Variants in CALCOCO2 observed in about 807,000 individuals in gnomAD.
CALCOCO2 encodes the protein calcium-binding and coiled-coil domain-containing protein 2.
A neutral mutation model predicts 62.5 loss-of-function variants in CALCOCO2; 42 were observed. That is an observed-to-expected ratio of 0.67 (90% CI 0.53 to 0.87). CALCOCO2 has a LOEUF of 0.87. Among genes scored for constraint, CALCOCO2 ranks in the 40% least tolerant of loss-of-function variants. The pLI, the probability that CALCOCO2 is intolerant of heterozygous loss-of-function variation, is 0.00. For missense variants in CALCOCO2, 456 were observed against 515.0 expected, an observed-to-expected ratio of 0.89 and a Z score of 1.11; for synonymous variants, 167 against 173.0, an observed-to-expected ratio of 0.97 and a Z score of 0.27.
At chr17:48,839,945 G>C (rs2039954266) in intron 1 of CALCOCO2, among the ~76,000 whole-genome samples, 2 of 152,058 alleles carry the variant, frequency 1.3e-5, no homozygotes, top group African/African-American at 2.4e-5. Context: ...AAAGTGCTGG[G>C]ATTACAGGTG....
Position 48,864,140 on chromosome 17 carries a change from T to G in CALCOCO2, c.*1135T>G, listed in dbSNP as rs2040363934. 1 of 145,624 alleles carries G rather than the reference T, an allele frequency of 6.9e-6. No individual in the cohort carries two copies. The highest frequency in any genetic ancestry group is 2.5e-5 in the African/African-American group (1 of 39,844). The allele number at this position is 145,624 out of a possible 1,614,324, so 9.0% of individuals were successfully genotyped here. On this transcript the variant is annotated 3_prime_UTR_variant, in exon 13 of 13. Coordinates refer to ENST00000258947, the MANE Select transcript of CALCOCO2 (RefSeq NM_005831.5). ...GCGTGCAATGGCGCAGTTGACTCAC[T>G]ACAGCCTCTGCCTCCCAGGTTCAAG...
At chr17:48,845,908 G>A (rs1288264665) in intron 2 of CALCOCO2, 5 of 435,512 alleles carry the variant, frequency 1.1e-5, no homozygotes, top group Non-Finnish European at 2.0e-5. Flanking sequence ...CCAAACCTCT[G>A]GTTTTTCCTC....
chr17:48,839,832 C>T (rs7221442), intron 1 of CALCOCO2, among the ~76,000 whole-genome samples: 16,318 of 151,582 alleles, frequency 0.11, 1,530 homozygotes, highest in African/African-American at 0.26. Flanking sequence ...TGTGCCACCA[C>T]GCCCAGCTAA....
Position 48,865,155 on chromosome 17 carries a change from A to C in CALCOCO2, c.*2150A>C, listed in dbSNP as rs904995553. 6.6e-6 allele frequency: 1 copy of C among 152,236 alleles called. No homozygotes were observed. Among genetic ancestry groups the C allele is most frequent in the African/African-American group, 2.4e-5 (1 of 41,464 alleles). The allele number at this position is 152,236 out of a possible 1,614,324, so 9.4% of individuals were successfully genotyped here. ...CTTTTTGCTGGGTGTAAAACAAAGC[A>C]TCTTTAACCACTGTTCATTATCCCC... On this transcript the variant is annotated 3_prime_UTR_variant, in exon 13 of 13. Coordinates refer to ENST00000258947, the MANE Select transcript of CALCOCO2 (RefSeq NM_005831.5).
rs367595425 is a variant in CALCOCO2, at chr17:48,861,659, G to GTATATATATATATATATATATATA, written c.1145-616_1145-615insATATATATATATATATATATATAT. Among the ~76,000 whole-genome samples, 271 of 135,102 alleles carry GTATATATATATATATATATATATA rather than the reference G, an allele frequency of 2.0e-3. 9 individuals are homozygous for GTATATATATATATATATATATATA. Among genetic ancestry groups the GTATATATATATATATATATATATA allele is most frequent in the African/African-American group, 7.8e-3 (247 of 31,870 alleles). The allele number at this position is 135,102 out of a possible 152,430, so 88.6% of individuals were successfully genotyped here. On this transcript the variant is annotated intron_variant, in intron 11 of 12. Coordinates refer to ENST00000258947, the MANE Select transcript of CALCOCO2 (RefSeq NM_005831.5). ...TATATGTATATATATATATGTGTGT[G>GTATATATATATATATATATATATA]TGTATATATATATATATAAAGCCTG...
At chr17:48,834,179 C>T (rs2039858313) in intron 1 of CALCOCO2, among the ~76,000 whole-genome samples, 1 of 141,362 alleles carries the variant, frequency 7.1e-6, no homozygotes, top group African/African-American at 2.6e-5. Context: ...TTCAGGAAGA[C>T]ATAAGAGGAT....
At chr17:48,852,464 CCTT>C in intron 7 of CALCOCO2, 39 bp from the exon 8 acceptor site, 1 of 1,576,366 alleles carries the variant, frequency 6.3e-7, no homozygotes, top group Non-Finnish European at 8.6e-7. Context: ...GTTTTGTTTT[CCTT>C]CTTTTATATC....
intron 9 of CALCOCO2, among the ~76,000 whole-genome samples, chr17:48,854,230 C>T (rs535408204): frequency 2.9e-5 from 4 of 139,312 alleles, no homozygotes; most frequent in South Asian, 2.4e-4. Flanking sequence ...GCAGGAGAAT[C>T]GCTTGAACCT....
intron 9 of CALCOCO2, among the ~76,000 whole-genome samples, chr17:48,854,378 T>TTTTATATATATATATA (rs1489635512): frequency 0.02 from 241 of 12,126 alleles, 18 homozygotes; most frequent in Non-Finnish European, 0.045. Context: ...TGGTTTTCTT[T>TTTTATATATATATATA]TATTTATATA....
At chr17:48,838,822 G>A (rs1402613997) in intron 1 of CALCOCO2, among the ~76,000 whole-genome samples, 1 of 152,056 alleles carries the variant, frequency 6.6e-6, no homozygotes, top group Non-Finnish European at 1.5e-5. Flanking sequence ...ATTTGCATGT[G>A]TATAGCTCTT....
chr17:48,849,307 A>C lies in CALCOCO2; in HGVS notation c.473A>C (p.Glu158Ala). Reference protein sequence around the residue: ...HNKELCKENQELKDSCISLQK... With the variant: ...HNKELCKENQALKDSCISLQK... ...AAGGAGCTTTGCAAAGAAAACCAGG[A>C]GCTGAAGGACAGCTGTATCAGCCTC... The change falls in exon 5 of 13, where the codon GAG becomes GCG. Residue 158 changes from glutamate (E) to alanine (A), a missense_variant. This residue lies in a region of CALCOCO2 where 236 missense variants were observed against 225.3 expected (regional missense o/e 1.05). Transcript: ENST00000258947. The C allele has an allele frequency of 6.2e-7, 1 of 1,613,664 alleles. No homozygotes were observed. The highest frequency in any genetic ancestry group is 8.5e-7 in the Non-Finnish European group (1 of 1,179,630).
chr17:48,833,563 G>A (rs1320039734), intron 1 of CALCOCO2, among the ~76,000 whole-genome samples: 16 of 135,342 alleles, frequency 1.2e-4, no homozygotes, highest in African/African-American at 4.1e-4. Context: ...AAAAAAAAAA[G>A]AAAGAAAAAA....
intron 10 of CALCOCO2, among the ~76,000 whole-genome samples, chr17:48,857,974 C>G (rs114172866): frequency 0.12 from 5,005 of 40,250 alleles, 353 homozygotes; most frequent in South Asian, 0.25. Flanking sequence ...AAGACTACAT[C>G]AATAGAATAG....
chr17:48,838,057 C>T (rs886149749), intron 1 of CALCOCO2, among the ~76,000 whole-genome samples: 5 of 152,082 alleles, frequency 3.3e-5, no homozygotes, highest in African/African-American at 7.2e-5. Context: ...TTTATTAGGC[C>T]GGGGGCATCA....
At position 48,836,854 on chromosome 17, in the gene CALCOCO2, C is replaced by T. The variant is rs143993579; in HGVS notation, c.-10-4844C>T. On this transcript the variant is annotated intron_variant, in intron 1 of 12. Coordinates refer to ENST00000258947, the MANE Select transcript of CALCOCO2 (RefSeq NM_005831.5). ...CTCAGCTCACTGCAACCTCCGCCTC[C>T]CAGGTTCAAGCTATTCTGCCTCAGC... Among the ~76,000 whole-genome samples the T allele has an allele frequency of 5.8e-3, 884 of 151,760 alleles. 6 individuals carry two copies. Among genetic ancestry groups the T allele is most frequent in the African/African-American group, 0.021 (848 of 41,348 alleles).
chr17:48,842,099 G>A (rs2039981180), intron 2 of CALCOCO2: 6 of 359,756 alleles, frequency 1.7e-5, no homozygotes, highest in Non-Finnish European at 2.5e-5. Flanking sequence ...AAATAAGATG[G>A]CAAATCATAT....
chr17:48,849,216 G>A (rs1263882962), intron 4 of CALCOCO2, 36 bp from the exon 5 acceptor site: 2 of 1,608,646 alleles, frequency 1.2e-6, no homozygotes, highest in East Asian at 2.2e-5. Flanking sequence ...CTGCTAGAGG[G>A]ACTTGGAATA....
intron 6 of CALCOCO2, 73 bp downstream of exon 6, chr17:48,851,250 G>C: frequency 1.2e-6 from 1 of 858,202 alleles, no homozygotes; most frequent in Non-Finnish European, 2.0e-6. Context: ...AGTCAGATTA[G>C]ATTTCTGGAA....
intron 2 of CALCOCO2, chr17:48,846,163 GT>G: frequency 6.3e-6 from 5 of 790,078 alleles, no homozygotes; most frequent in Non-Finnish European, 7.8e-6. Flanking sequence ...TTGAGACAGA[GT>G]CTTGCTCTGT....
Sources: allele counts gnomAD v4.1 joint callset (sites outside exome capture counted in the v4.1 genomes callset), GRCh38; gene constraint gnomAD v4.1.1; regional missense constraint gnomAD v4.1.1; transcripts MANE v1.5; gene names NCBI Gene and HGNC (gene_info 2026-07-23, HGNC 2026-07-21).